Variants in TMEM132D observed in about 807,000 individuals in gnomAD.
TMEM132D encodes mature OL transmembrane protein.
A neutral mutation model predicts 62.3 loss-of-function variants in TMEM132D; 21 were observed. The observed-to-expected ratio is 0.34, with a 90% CI of 0.24 to 0.49. The LOEUF is 0.49. TMEM132D is among the 20% of genes least tolerant of loss of function. The pLI is 0.99. For synonymous variants in TMEM132D, 621 were observed against 575.6 expected (o/e 1.08, Z -1.13); for missense variants, 1,346 against 1,402.8 (o/e 0.96, Z 0.65).
chr12:129,442,123 C>T (rs534874502), intron 3 of TMEM132D, among the ~76,000 whole-genome samples: 1 of 152,264 alleles, frequency 6.6e-6, no homozygotes, highest in East Asian at 1.9e-4. Flanking sequence ...CATGTACCCC[C>T]GGAATCTAAA....
chr12:129,118,809 T>C (rs1050154310), intron 5 of TMEM132D, among the ~76,000 whole-genome samples: 1 of 152,054 alleles, frequency 6.6e-6, no homozygotes, highest in Non-Finnish European at 1.5e-5. Context: ...TGTGGCAGGG[T>C]GCTGTAGCTC....
intron 2 of TMEM132D, among the ~76,000 whole-genome samples, chr12:129,687,357 C>T (rs1409305816): frequency 2.6e-5 from 4 of 152,030 alleles, no homozygotes; most frequent in Admixed American, 2.6e-4. Flanking sequence ...TGGTAGACTC[C>T]TCATTGAGGA....
chr12:129,231,720 C>T (rs910307650), intron 4 of TMEM132D, among the ~76,000 whole-genome samples: 14 of 152,140 alleles, frequency 9.2e-5, no homozygotes, highest in Non-Finnish European at 1.8e-4. Flanking sequence ...CAATCCCCAC[C>T]GGGCTATGGG....
At chr12:129,801,033 G>A (rs1268803736) in intron 1 of TMEM132D, among the ~76,000 whole-genome samples, 1 of 152,214 alleles carries the variant, frequency 6.6e-6, no homozygotes, top group South Asian at 2.1e-4. Context: ...CGCACCAGGA[G>A]ATTATATCCC....
intron 5 of TMEM132D, among the ~76,000 whole-genome samples, chr12:129,171,326 G>A (rs1384739609): frequency 1.2e-4 from 18 of 152,100 alleles, no homozygotes; most frequent in Admixed American, 1.2e-3. Flanking sequence ...TTCTCTTGCT[G>A]TTTCCCCCAC....
At chr12:129,688,425 T>A (rs1880982162) in intron 2 of TMEM132D, among the ~76,000 whole-genome samples, 2 of 152,174 alleles carry the variant, frequency 1.3e-5, no homozygotes, top group Admixed American at 1.3e-4. Flanking sequence ...TGGGGTCAGA[T>A]GGTCCTAATG....
chr12:129,711,059 A>G (rs979342324), intron 1 of TMEM132D, among the ~76,000 whole-genome samples: 12 of 142,018 alleles, frequency 8.4e-5, no homozygotes, highest in African/African-American at 1.5e-4. Context: ...CTCTTCCTCA[A>G]CCTCCACTAA....
chr12:129,664,097 A>G (rs886642845), intron 2 of TMEM132D, among the ~76,000 whole-genome samples: 4 of 152,232 alleles, frequency 2.6e-5, no homozygotes, highest in Non-Finnish European at 4.4e-5. Context: ...TTTTAAAAAA[A>G]TAGAGAGAAG....
At chr12:129,424,171 C>T (rs2135712498) in intron 3 of TMEM132D, among the ~76,000 whole-genome samples, 1 of 148,928 alleles carries the variant, frequency 6.7e-6, no homozygotes, top group South Asian at 2.1e-4. Flanking sequence ...GGATGATTTA[C>T]TTTCAAAGAA....
intron 2 of TMEM132D, among the ~76,000 whole-genome samples, chr12:129,564,716 G>T (rs1163894926): frequency 6.6e-6 from 1 of 152,194 alleles, no homozygotes; most frequent in Non-Finnish European, 1.5e-5. Context: ...GGAACCCCAA[G>T]ATATTTTCAA....
chr12:129,688,237 AGAG>A (rs1282028999), intron 2 of TMEM132D, among the ~76,000 whole-genome samples: 9 of 152,210 alleles, frequency 5.9e-5, no homozygotes, highest in African/African-American at 2.2e-4. Flanking sequence ...GGAGAGAGAG[AGAG>A]AAGTTTAAAT....
At chr12:129,289,740 T>G (rs1881401103) in intron 4 of TMEM132D, among the ~76,000 whole-genome samples, 1 of 151,926 alleles carries the variant, frequency 6.6e-6, no homozygotes. Flanking sequence ...AAGTCAGGGG[T>G]CTAGCACCTT....
Position 129,343,994 on chromosome 12 carries a change from C to T in TMEM132D, c.1116-6177G>A, listed in dbSNP as rs141128538. 2.2e-3 allele frequency among the ~76,000 whole-genome samples: 332 copies of T among 152,232 alleles called. 17 individuals are homozygous for T. In the East Asian group the frequency reaches 0.054, roughly 25 times the overall value. ...TTGCAAAACATAGTAATTAAGAAAA[C>T]TAATCCTTTGTCACAAACCCTTGTA... is the stretch of plus-strand genomic sequence containing the variant. On this transcript the variant is annotated intron_variant, in intron 3 of 8. Coordinates refer to ENST00000422113, the MANE Select transcript of TMEM132D (RefSeq NM_133448.3).
At chr12:129,149,465 C>T (rs1363834860) in intron 5 of TMEM132D, among the ~76,000 whole-genome samples, 5 of 152,158 alleles carry the variant, frequency 3.3e-5, no homozygotes, top group African/African-American at 1.2e-4. Context: ...CATGCATACC[C>T]CACATTTTTA....
At chr12:129,204,823 G>A (rs1455759148) in intron 5 of TMEM132D, among the ~76,000 whole-genome samples, 2 of 152,152 alleles carry the variant, frequency 1.3e-5, no homozygotes, top group Non-Finnish European at 2.9e-5. Context: ...GCTAACAGTG[G>A]ACCTTTCAGC....
intron 5 of TMEM132D, among the ~76,000 whole-genome samples, chr12:129,185,900 A>G (rs112898437): frequency 2.3e-3 from 347 of 152,312 alleles, no homozygotes; most frequent in Non-Finnish European, 4.0e-3. Context: ...TACAATCCAG[A>G]GCCCTGGAAA....
intron 4 of TMEM132D, among the ~76,000 whole-genome samples, chr12:129,230,537 T>G (rs75146952): frequency 0.021 from 3,152 of 152,336 alleles, 211 homozygotes; most frequent in East Asian, 0.19. Flanking sequence ...ACGGAGAAAT[T>G]TATGCTACAG....
chr12:129,700,940 A>C (rs1240797884), intron 1 of TMEM132D, among the ~76,000 whole-genome samples: 1 of 152,236 alleles, frequency 6.6e-6, no homozygotes, highest in Admixed American at 6.5e-5. Flanking sequence ...TGAGCATGCA[A>C]ATAAATACAA....
chr12:129,082,118 AG>A, intron 6 of TMEM132D, 86 bp from the exon 7 acceptor site: 1 of 1,488,520 alleles, frequency 6.7e-7, no homozygotes, highest in Non-Finnish European at 9.0e-7. Flanking sequence ...GGGGCTGCAG[AG>A]GTAGGTAGGC....
Sources: gnomAD v4.1 joint callset for allele counts (sites outside exome capture counted in the v4.1 genomes callset) on GRCh38, gnomAD v4.1.1 for gene constraint, MANE v1.5 for transcripts, NCBI Gene and HGNC (gene_info 2026-07-23, HGNC 2026-07-21) for gene names.